Variants in ITFG1 observed in about 807,000 individuals in gnomAD.
ITFG1 encodes the protein integrin alpha FG-GAP repeat containing 1.
Under a neutral mutation model 81.8 loss-of-function variants are expected in ITFG1, and 34 were observed. The observed-to-expected ratio is 0.42, with a 90% CI of 0.32 to 0.55. ITFG1 has a LOEUF of 0.55. Ranked by LOEUF, ITFG1 falls within the 20% of genes least tolerant of loss-of-function variation. The probability of loss-of-function intolerance (pLI) is 0.17; values close to 1 mark genes in which losing one functional copy is unlikely to be tolerated. For synonymous variants in ITFG1, 285 were observed against 270.6 expected (o/e 1.05, Z -0.52); for missense variants, 672 against 755.4 (o/e 0.89, Z 1.29).
intron 5 of ITFG1, among the ~76,000 whole-genome samples, chr16:47,445,092 T>C (rs901576742): frequency 3.4e-5 from 5 of 147,306 alleles, no homozygotes; most frequent in African/African-American, 1.3e-4. Flanking sequence ...GCAAGCTTCA[T>C]GTTAAGAGAA....
At chr16:47,360,910 G>A (rs544117384) in intron 8 of ITFG1, among the ~76,000 whole-genome samples, 1 of 152,080 alleles carries the variant, frequency 6.6e-6, no homozygotes, top group East Asian at 1.9e-4. Flanking sequence ...TTTAATGTGG[G>A]GTGTCCCTAC....
intron 1 of ITFG1, 46 bp downstream of exon 1, chr16:47,460,792 G>C (rs371967139): frequency 8.1e-5 from 129 of 1,595,972 alleles, no homozygotes; most frequent in Non-Finnish European, 1.1e-4. Context: ...AACACCGGGA[G>C]AGGCACACGG....
chr16:47,334,451 A>G (rs1052366126), intron 8 of ITFG1, among the ~76,000 whole-genome samples: 1 of 152,170 alleles, frequency 6.6e-6, no homozygotes, highest in African/African-American at 2.4e-5. Context: ...AAGAAAATAC[A>G]TTTTATTCTA....
rs768404835 is a variant in ITFG1 at position 47,431,362 on chromosome 16, C to T, written c.561-2464G>A. 7.9e-5 allele frequency among the ~76,000 whole-genome samples: 12 copies of T among 152,294 alleles called. No individual in the cohort carries two copies. The South Asian group carries it at 2.5e-3, about 32-fold the overall frequency. ...CATTGGATTCTCAAAGGACTGCGAA[C>T]CCTATTGTGAAATGCACATTCAAGG... On this transcript the variant is annotated intron_variant, in intron 5 of 17. Coordinates refer to ENST00000320640, the MANE Select transcript of ITFG1 (RefSeq NM_030790.5).
chr16:47,263,663 G>A (rs1966238908), intron 10 of ITFG1, among the ~76,000 whole-genome samples: 1 of 152,062 alleles, frequency 6.6e-6, no homozygotes, highest in Non-Finnish European at 1.5e-5. Flanking sequence ...TCCTTAATGA[G>A]CTGCTGCAGA....
Position 47,375,919 on chromosome 16 carries a change from T to C in ITFG1, c.677A>G (p.Asn226Ser). 2 of 1,606,062 alleles carry C rather than the reference T, an allele frequency of 1.2e-6. No individual in the cohort carries two copies. Among genetic ancestry groups the C allele is most frequent in the Non-Finnish European group, 1.7e-6 (2 of 1,173,280 alleles). Residue 226 changes from asparagine (N) to serine (S), a missense_variant, in exon 7 of 18, where the codon AAT becomes AGT. Coordinates refer to ENST00000320640, the MANE Select transcript of ITFG1 (RefSeq NM_030790.5). ...AAACTGGAAGGTACTAGTGGTGGCA[T>C]TCAATGTCGTCAGGAATAAATCTAG... ...FTADLFLTTL[N>S]ATTSTFQFEI...
At chr16:47,156,995 G>A (rs1964721109) in intron 17 of ITFG1, among the ~76,000 whole-genome samples, 1 of 152,178 alleles carries the variant, frequency 6.6e-6, no homozygotes, top group African/African-American at 2.4e-5. Flanking sequence ...GGAGAGAACG[G>A]AAAGAAAGAG....
chr16:47,258,075 G>GCCCCCCA (rs1966160264), intron 12 of ITFG1, among the ~76,000 whole-genome samples: 1 of 152,132 alleles, frequency 6.6e-6, no homozygotes, highest in African/African-American at 2.4e-5. Flanking sequence ...AAACACTAAT[G>GCCCCCCA]AATTACAAAG....
intron 8 of ITFG1, among the ~76,000 whole-genome samples, chr16:47,361,192 T>A (rs1226538118): frequency 6.6e-6 from 1 of 152,168 alleles, no homozygotes; most frequent in Non-Finnish European, 1.5e-5. Context: ...GTGATCTCCT[T>A]CTGAAGATGT....
chr16:47,448,604 A>ATTTTTTTTT (rs34421476), intron 5 of ITFG1: 1 of 128,210 alleles, frequency 7.8e-6, no homozygotes, highest in Non-Finnish European at 1.6e-5. Flanking sequence ...GAGTCAGAAA[A>ATTTTTTTTT]TTTTTTTTTT....
At chr16:47,322,351 G>C (rs753362909) in intron 8 of ITFG1, among the ~76,000 whole-genome samples, 1 of 151,988 alleles carries the variant, frequency 6.6e-6, no homozygotes, top group Non-Finnish European at 1.5e-5. Flanking sequence ...ATTTTTAATT[G>C]ACAAAAACTT....
chr16:47,353,138 A>G (rs1050272860), intron 8 of ITFG1, among the ~76,000 whole-genome samples: 1 of 152,124 alleles, frequency 6.6e-6, no homozygotes, highest in Admixed American at 6.6e-5. Flanking sequence ...GCAGCACACC[A>G]AGATGGCACA....
intron 7 of ITFG1, among the ~76,000 whole-genome samples, chr16:47,370,821 A>G (rs541659304): frequency 9.9e-5 from 15 of 152,270 alleles, no homozygotes; most frequent in Admixed American, 4.6e-4. Flanking sequence ...TGTAAGTGAA[A>G]CTTGAGCAGA....
chr16:47,380,516 A>T (rs1044364540), intron 6 of ITFG1, among the ~76,000 whole-genome samples: 29 of 152,198 alleles, frequency 1.9e-4, no homozygotes, highest in African/African-American at 7.0e-4. Flanking sequence ...CTCTGAATTA[A>T]GTCAAGGACC....
chr16:47,370,016 G>A (rs1446064012), intron 7 of ITFG1, among the ~76,000 whole-genome samples: 1 of 151,434 alleles, frequency 6.6e-6, no homozygotes, highest in Non-Finnish European at 1.5e-5. Flanking sequence ...CTTTTTTTGT[G>A]TTTTTAGTAC....
intron 10 of ITFG1, among the ~76,000 whole-genome samples, chr16:47,294,231 T>C (rs1406580714): frequency 2.0e-5 from 3 of 152,142 alleles, no homozygotes; most frequent in East Asian, 1.9e-4. Flanking sequence ...TCTATTTTAC[T>C]TAATACCAGT....
chr16:47,419,899 G>A (rs371564294), intron 6 of ITFG1, among the ~76,000 whole-genome samples: 10 of 151,380 alleles, frequency 6.6e-5, no homozygotes, highest in African/African-American at 2.2e-4. Flanking sequence ...CACGACGCCC[G>A]CCCTACTTCA....
intron 13 of ITFG1, among the ~76,000 whole-genome samples, chr16:47,227,148 G>A (rs1241214865): frequency 6.6e-6 from 1 of 152,064 alleles, no homozygotes; most frequent in Non-Finnish European, 1.5e-5. Context: ...TATCCCATAC[G>A]TCATAGCATT....
chr16:47,325,644 C>T (rs1967526258), intron 8 of ITFG1, among the ~76,000 whole-genome samples: 1 of 152,086 alleles, frequency 6.6e-6, no homozygotes, highest in South Asian at 2.1e-4. Context: ...AAGGGGATAT[C>T]ACCACCGATC....
Sources: gnomAD v4.1 joint callset for allele counts (sites outside exome capture counted in the v4.1 genomes callset) on GRCh38, gnomAD v4.1.1 for gene constraint, MANE v1.5 for transcripts, NCBI Gene and HGNC (gene_info 2026-07-23, HGNC 2026-07-21) for gene names.